TEX264: variants seen among roughly 807,000 people sequenced by gnomAD.
TEX264 encodes testis-expressed protein 264.
In TEX264, 13 loss-of-function variants were observed where a neutral mutation model predicts 23.4. That is an observed-to-expected ratio of 0.56 (90% CI 0.36 to 0.88). The LOEUF (loss-of-function observed/expected upper bound fraction) is 0.88, where lower values mean the gene tolerates loss of function less well. Ranked by LOEUF, TEX264 falls within the 40% of genes least tolerant of loss-of-function variation. TEX264 has a pLI of 0.01. For missense variants in TEX264, 340 were observed against 406.8 expected, an observed-to-expected ratio of 0.84 and a Z score of 1.41; for synonymous variants, 159 against 170.0, an observed-to-expected ratio of 0.94 and a Z score of 0.50.
chr3:51,680,610 G>T (rs555247527), intron 2 of TEX264, among the ~76,000 whole-genome samples: 18 of 152,240 alleles, frequency 1.2e-4, no homozygotes, highest in Non-Finnish European at 2.5e-4. Flanking sequence ...ACCCCGAGTG[G>T]TGGTGGGTCT....
At position 51,684,466 on chromosome 3, in the gene TEX264, G is replaced by C. The variant is rs1395096275; in HGVS notation, c.312G>C (p.Glu104Asp). Residue 104 changes from glutamate to aspartate, a missense_variant, in exon 3 of 5, where the codon GAG (glutamate) becomes GAC (aspartate). Glu to Asp is a conservative substitution (Grantham distance 45). Coordinates refer to ENST00000341333, the MANE Select transcript of TEX264 (RefSeq NM_015926.6). ...TGGGCAGCATCCTGAGTGAAGGTGAGGAATCGCCCTCCCCTGAGCTCATCG... is the reference window on the plus strand; with the variant it reads ...TGGGCAGCATCCTGAGTGAAGGTGACGAATCGCCCTCCCCTGAGCTCATCG... ...CAVGSILSEG[E>D]ESPSPELIDL... The C allele has an allele frequency of 6.8e-6, 11 of 1,614,180 alleles. No individual in the cohort carries two copies. The highest frequency in any genetic ancestry group is 9.3e-6 in the Non-Finnish European group (11 of 1,180,038).
At position 51,704,145 on chromosome 3, in the gene TEX264, C is replaced by G. The variant is rs990375218; in HGVS notation, c.*129C>G. 1 of 878,478 alleles carries G rather than the reference C, an allele frequency of 1.1e-6. No homozygotes were observed. Among genetic ancestry groups the G allele is most frequent in the African/African-American group, 1.7e-5 (1 of 58,650 alleles). The allele number at this position is 878,478 out of a possible 1,614,324, so 54.4% of individuals were successfully genotyped here. A position where few individuals can be genotyped will look rare whatever the true frequency, so the allele number is the denominator to read the frequency against. On this transcript the variant is annotated 3_prime_UTR_variant, in exon 5 of 5. Transcript: ENST00000341333. ...CCTGAGGGACCTGACTTCCCCTGCT[C>G]CAGGCCTCTTGCTAAGCCTTCTCCT...
At chr3:51,679,606 C>T (rs1311048870) in intron 2 of TEX264, among the ~76,000 whole-genome samples, 1 of 152,166 alleles carries the variant, frequency 6.6e-6, no homozygotes, top group East Asian at 1.9e-4. Context: ...TTGTCTGGGC[C>T]TTGGGAACAG....
chr3:51,693,985 T>TC (rs1477990065), intron 3 of TEX264, among the ~76,000 whole-genome samples: 1 of 146,080 alleles, frequency 6.8e-6, no homozygotes, highest in Admixed American at 7.0e-5. Flanking sequence ...CTAATCCCTT[T>TC]CTTTCCTTCC....
At chr3:51,672,566 G>T (rs1702085808) in intron 1 of TEX264, among the ~76,000 whole-genome samples, 1 of 152,200 alleles carries the variant, frequency 6.6e-6, no homozygotes, top group African/African-American at 2.4e-5. Flanking sequence ...GAGTTTTCCA[G>T]CTTTGGGCTC....
intron 2 of TEX264, among the ~76,000 whole-genome samples, chr3:51,677,315 A>G (rs1385462201): frequency 1.3e-5 from 2 of 152,174 alleles, no homozygotes; most frequent in South Asian, 2.1e-4. Flanking sequence ...CCTAGAGGAA[A>G]GGCCCCATCC....
intron 2 of TEX264, among the ~76,000 whole-genome samples, chr3:51,676,390 G>T (rs1042438129): frequency 1.3e-5 from 2 of 152,224 alleles, no homozygotes; most frequent in African/African-American, 4.8e-5. Context: ...AGAGTGAGAT[G>T]GAAGAAGCCT....
intron 1 of TEX264, 49 bp from the exon 2 acceptor site, chr3:51,674,222 A>G (rs1298731910): frequency 1.9e-6 from 3 of 1,583,024 alleles, no homozygotes; most frequent in Non-Finnish European, 1.7e-6. Flanking sequence ...AAGTGGGCAC[A>G]TTGTCAGAGT....
Position 51,703,683 on chromosome 3 carries a change from G to A in TEX264, c.650-41G>A, listed in dbSNP as rs777926507. Reference sequence around the variant, plus strand: ...TGCCTCTCCCTGGAGGAGGGGGTGGGGTGGTCCTAGCTAACCTGTGCTCCC... The same window carrying A: ...TGCCTCTCCCTGGAGGAGGGGGTGGAGTGGTCCTAGCTAACCTGTGCTCCC... On this transcript the variant is annotated intron_variant, in intron 4 of 4. Coordinates refer to ENST00000341333, the MANE Select transcript of TEX264 (RefSeq NM_015926.6). This position sits in a 1 kb window ranked among gnomAD's most constrained non-coding sequence, Gnocchi z 4.8. The A allele has an allele frequency of 6.5e-7, 1 of 1,537,314 alleles. No individual in the cohort carries two copies. The highest frequency in any genetic ancestry group is 1.4e-5 in the African/African-American group (1 of 73,164).
chr3:51,675,168 C>T (rs1236000424), intron 2 of TEX264, among the ~76,000 whole-genome samples: 3 of 152,210 alleles, frequency 2.0e-5, no homozygotes, highest in Non-Finnish European at 2.9e-5. Flanking sequence ...AGATGAGTTA[C>T]TTAGAATGTT....
chr3:51,688,860 C>T (rs1227561381), intron 3 of TEX264, among the ~76,000 whole-genome samples: 1 of 152,140 alleles, frequency 6.6e-6, no homozygotes, highest in Non-Finnish European at 1.5e-5. Flanking sequence ...GGTGTGGTGG[C>T]TCATGCCTGT....
intron 1 of TEX264, chr3:51,671,821 T>C (rs1445473186): frequency 6.6e-6 from 1 of 152,188 alleles, no homozygotes; most frequent in Non-Finnish European, 1.5e-5. Context: ...GGGGGCCGTT[T>C]AAGGGCCCGG....
At chr3:51,679,832 C>T (rs528227936) in intron 2 of TEX264, among the ~76,000 whole-genome samples, 5 of 152,230 alleles carry the variant, frequency 3.3e-5, no homozygotes, top group South Asian at 2.1e-4. Flanking sequence ...TCTTTCCTCC[C>T]GAGCCTGAAG....
At chr3:51,694,085 GTCCTTCCTTCCTTCCTTCCTTCCTTCCT>G (rs60670569) in intron 3 of TEX264, among the ~76,000 whole-genome samples, 5 of 85,256 alleles carry the variant, frequency 5.9e-5, no homozygotes, top group African/African-American at 1.3e-4. Context: ...CCTTCCGTCC[GTCCTTCCTTCCTTCCTTCCTTCCTTCCT>G]TCCTTCCTTC....
chr3:51,693,488 T>TC (rs1200221665), intron 3 of TEX264, among the ~76,000 whole-genome samples: 1 of 149,854 alleles, frequency 6.7e-6, no homozygotes, highest in East Asian at 1.9e-4. Context: ...TTTTTTTTTT[T>TC]TTTTTTTTTG....
intron 2 of TEX264, chr3:51,683,073 G>A (rs1300353192): frequency 6.5e-6 from 1 of 154,184 alleles, no homozygotes. Flanking sequence ...GAGGGCTGGG[G>A]AGAGGAGTAA....
At chr3:51,673,507 A>G (rs758441750) in intron 1 of TEX264, among the ~76,000 whole-genome samples, 1 of 152,016 alleles carries the variant, frequency 6.6e-6, no homozygotes. Context: ...TTTTCCTCTT[A>G]CTACTCACTG....
rs1015344979 is a variant in TEX264 at position 51,691,512 on chromosome 3, C to T, written c.480+6878C>T. On this transcript the variant is annotated intron_variant, in intron 3 of 4. Transcript: ENST00000341333. This position sits in a 1 kb window ranked among gnomAD's most constrained non-coding sequence, Gnocchi z 4.4. ...ATTCGCTGGGAAAGGCAAAACAACC[C>T]TTGTGCGGTGGTGGCATTTGGGCTG... Among the ~76,000 whole-genome samples the T allele has an allele frequency of 6.6e-6, 1 of 152,190 alleles. No individual in the cohort carries two copies. Among genetic ancestry groups the T allele is most frequent in the African/African-American group, 2.4e-5 (1 of 41,422 alleles).
Position 51,703,973 on chromosome 3 carries a change from A to C in TEX264, c.899A>C (p.Lys300Thr). ...GGGACTGAGCCCCTGGGGACTACCA[A>C]GTGGCTCTGGGAGCCCACTGCCCCT... ...DPGTEPLGTT[K>T]WLWEPTAPEK... Residue 300 changes from lysine (K) to threonine (T), a missense_variant, in exon 5 of 5, where the codon AAG becomes ACG. Transcript: ENST00000341333. This position sits in a 1 kb window ranked among gnomAD's most constrained non-coding sequence, Gnocchi z 4.8. 1.9e-6 allele frequency: 3 copies of C among 1,562,610 alleles called. No individual in the cohort carries two copies. Among genetic ancestry groups the C allele is most frequent in the Non-Finnish European group, 2.6e-6 (3 of 1,149,838 alleles).
Sources: allele counts gnomAD v4.1 joint callset (sites outside exome capture counted in the v4.1 genomes callset), GRCh38; gene constraint gnomAD v4.1.1; non-coding constraint Gnocchi (gnomAD v3.1); transcripts MANE v1.5; gene names NCBI Gene and HGNC (gene_info 2026-07-23, HGNC 2026-07-21).